The following DSCAM variants were observed in gnomAD, a reference collection of about 807,000 sequenced individuals.
The protein encoded by DSCAM is DS cell adhesion molecule.
A neutral mutation model predicts 217.7 loss-of-function variants in DSCAM; 47 were observed. The ratio of observed to expected loss-of-function variants is 0.22; its 90% CI spans 0.17 to 0.28. DSCAM has a LOEUF of 0.28. Among genes scored for constraint, DSCAM ranks in the 10% least tolerant of loss-of-function variants. The pLI is 1.00. For synonymous variants in DSCAM, 1,056 were observed against 1,015.3 expected (o/e 1.04, Z -0.76); for missense variants, 2,080 against 2,618.3 (o/e 0.79, Z 4.49).
chr21:40,736,210 C>T (rs7279397), intron 1 of DSCAM, among the ~76,000 whole-genome samples: 58,027 of 151,882 alleles, frequency 0.38, 12,214 homozygotes, highest in African/African-American at 0.57. Context: ...CCTCCCTGGA[C>T]GCATCACCCT....
chr21:40,175,089 A>G (rs1269372700), intron 15 of DSCAM, among the ~76,000 whole-genome samples: 1 of 152,166 alleles, frequency 6.6e-6, no homozygotes. Flanking sequence ...TGCATGACTT[A>G]TACACCACAG....
intron 3 of DSCAM, among the ~76,000 whole-genome samples, chr21:40,594,320 A>G (rs2077005263): frequency 2.0e-5 from 3 of 152,300 alleles, no homozygotes; most frequent in African/African-American, 7.2e-5. Context: ...CTGGAAGGTA[A>G]CCAGCAGACT....
chr21:40,656,949 G>T (rs181034550), intron 3 of DSCAM, among the ~76,000 whole-genome samples: 1 of 152,206 alleles, frequency 6.6e-6, no homozygotes, highest in African/African-American at 2.4e-5. Flanking sequence ...ATGAAGCATT[G>T]TTCCACCTTA....
At chr21:40,494,783 A>G (rs1051200643) in intron 3 of DSCAM, among the ~76,000 whole-genome samples, 1 of 151,984 alleles carries the variant, frequency 6.6e-6, no homozygotes, top group Non-Finnish European at 1.5e-5. Flanking sequence ...ATAAAATAGA[A>G]CTAGAAAAAC....
chr21:40,131,034 T>C (rs558608670), intron 19 of DSCAM, among the ~76,000 whole-genome samples: 1 of 152,352 alleles, frequency 6.6e-6, no homozygotes, highest in South Asian at 2.1e-4. Flanking sequence ...GAGCCTAAAA[T>C]AGTATCTTAT....
intron 9 of DSCAM, among the ~76,000 whole-genome samples, chr21:40,304,108 G>A (rs866484033): frequency 1.3e-5 from 2 of 152,306 alleles, no homozygotes; most frequent in South Asian, 4.1e-4. Flanking sequence ...ATGAGATTTG[G>A]CTCTTATTGG....
chr21:40,794,937 A>T (rs966633223), intron 1 of DSCAM, among the ~76,000 whole-genome samples: 1 of 146,064 alleles, frequency 6.8e-6, no homozygotes. Context: ...ATCAACAAGG[A>T]TCTCAACCTT....
chr21:40,800,960 TCC>T (rs1374192066), intron 1 of DSCAM, among the ~76,000 whole-genome samples: 1 of 116,354 alleles, frequency 8.6e-6, no homozygotes, highest in Non-Finnish European at 2.0e-5. Flanking sequence ...TTCTTTCTTC[TCC>T]TTTTTTTTTT....
intron 1 of DSCAM, among the ~76,000 whole-genome samples, chr21:40,823,626 C>T (rs1270913539): frequency 6.6e-6 from 1 of 152,064 alleles, no homozygotes; most frequent in African/African-American, 2.4e-5. Context: ...AAATTGATCC[C>T]AATGATTTGT....
intron 1 of DSCAM, among the ~76,000 whole-genome samples, chr21:40,709,448 G>A (rs928825930): frequency 6.6e-6 from 1 of 152,108 alleles, no homozygotes; most frequent in South Asian, 2.1e-4. Flanking sequence ...CCATCAACCC[G>A]TCATCTACAT....
intron 32 of DSCAM, among the ~76,000 whole-genome samples, chr21:40,026,569 A>G (rs1484505949): frequency 1.2e-3 from 172 of 144,774 alleles, no homozygotes; most frequent in African/African-American, 4.3e-3. Context: ...TATTGGGTGC[A>G]TATATATTTA....
intron 15 of DSCAM, 128 bp from the exon 16 acceptor site, chr21:40,167,416 C>A (rs11909892): frequency 4.1e-6 from 3 of 733,056 alleles, no homozygotes; most frequent in East Asian, 5.2e-5. Context: ...AAGTTTTTAG[C>A]GGTCATGGGA....
intron 8 of DSCAM, among the ~76,000 whole-genome samples, chr21:40,316,475 C>T (rs546487803): frequency 6.6e-6 from 1 of 152,288 alleles, no homozygotes; most frequent in Non-Finnish European, 1.5e-5. Flanking sequence ...CACAAAGTAA[C>T]TCCAGTGATT....
intron 3 of DSCAM, among the ~76,000 whole-genome samples, chr21:40,688,067 T>C (rs754385876): frequency 6.6e-6 from 1 of 152,222 alleles, no homozygotes; most frequent in Non-Finnish European, 1.5e-5. Context: ...TCAATGATCC[T>C]AAGAGGTAAA....
At chr21:40,147,194 A>G (rs567497322) in intron 16 of DSCAM, among the ~76,000 whole-genome samples, 1 of 152,370 alleles carries the variant, frequency 6.6e-6, no homozygotes, top group South Asian at 2.1e-4. Flanking sequence ...CAGGTCAAGA[A>G]GAGTAGACAG....
At chr21:40,795,228 T>C (rs896496768) in intron 1 of DSCAM, among the ~76,000 whole-genome samples, 5 of 152,220 alleles carry the variant, frequency 3.3e-5, no homozygotes, top group Admixed American at 3.3e-4. Flanking sequence ...AGCCACTGGA[T>C]ATTTTCCTCT....
rs577454948 is a variant in DSCAM at position 40,179,219 on chromosome 21, A to T, written c.2780-125T>A. 4.5e-5 allele frequency: 46 copies of T among 1,023,274 alleles called. 1 individual carries two copies. In the Middle Eastern group the frequency reaches 9.7e-4, roughly 21 times the overall value. The allele number at this position is 1,023,274 out of a possible 1,614,324, so 63.4% of individuals were successfully genotyped here. A position where few individuals can be genotyped will look rare whatever the true frequency, so the allele number is the denominator to read the frequency against. On this transcript the variant is annotated intron_variant, in intron 14 of 32. Coordinates refer to ENST00000400454, the MANE Select transcript of DSCAM (RefSeq NM_001389.5). ...AAAAAAAAAAAAAAAAGACGGAAAG[A>T]AAGAAAAATTACACTCAAAGTGATT...
chr21:40,058,294 C>T (rs2146511068), intron 28 of DSCAM, among the ~76,000 whole-genome samples: 1 of 152,318 alleles, frequency 6.6e-6, no homozygotes. Flanking sequence ...CAGATGCCAT[C>T]ATCTTTCCAG....
At chr21:40,741,183 A>G (rs560667778) in intron 1 of DSCAM, among the ~76,000 whole-genome samples, 3 of 152,344 alleles carry the variant, frequency 2.0e-5, no homozygotes, top group African/African-American at 7.2e-5. Flanking sequence ...TGACATGCTG[A>G]AAAGATCAAG....
Sources: allele counts gnomAD v4.1 joint callset (sites outside exome capture counted in the v4.1 genomes callset), GRCh38; gene constraint gnomAD v4.1.1; transcripts MANE v1.5; gene names NCBI Gene and HGNC (gene_info 2026-07-23, HGNC 2026-07-21).